Variants in ARL15 observed in about 807,000 individuals in gnomAD.
ARL15 encodes the protein ADP-ribosylation factor-like protein 15.
In ARL15, 19 loss-of-function variants were observed where a neutral mutation model predicts 25.2. The observed-to-expected ratio is 0.75, with a 90% CI of 0.53 to 1.10. The LOEUF is 1.10. Ranked by LOEUF, ARL15 falls within the 50% of genes least tolerant of loss-of-function variation. The pLI, the probability that ARL15 is intolerant of heterozygous loss-of-function variation, is 0.00. For missense variants in ARL15, 220 were observed against 246.0 expected (o/e 0.89, Z 0.71); for synonymous variants, 94 against 86.8 (o/e 1.08, Z -0.46).
rs61458651 is a variant in ARL15, at chr5:54,140,291, T to C, written c.253+14289A>G. Among the ~76,000 whole-genome samples the C allele has an allele frequency of 5.5e-3, 835 of 151,552 alleles. 4 individuals are homozygous for C. Among genetic ancestry groups the C allele is most frequent in the African/African-American group, 0.013 (557 of 41,358 alleles). ...AAAAAACAAGGCAGCATGTGCTCTG[T>C]CCCTAGTTCCTGAAGTATGAATTGT... On this transcript the variant is annotated intron_variant, in intron 3 of 4. Transcript: ENST00000504924.
intron 1 of ARL15, among the ~76,000 whole-genome samples, chr5:54,298,507 C>T (rs546589307): frequency 1.7e-4 from 26 of 152,288 alleles, no homozygotes; most frequent in African/African-American, 5.3e-4. Context: ...ACCAGCACTG[C>T]GCCATCTCTA....
intron 4 of ARL15, among the ~76,000 whole-genome samples, chr5:53,966,282 C>A (rs1386833116): frequency 6.6e-6 from 1 of 152,164 alleles, no homozygotes; most frequent in East Asian, 1.9e-4. Context: ...GATGGCTCAA[C>A]ATGTGGAGGT....
intron 1 of ARL15, among the ~76,000 whole-genome samples, chr5:54,258,998 C>T (rs2112617479): frequency 6.6e-6 from 1 of 152,352 alleles, no homozygotes; most frequent in Non-Finnish European, 1.5e-5. Flanking sequence ...TAGACAGCTA[C>T]TTCAACCCTT....
intron 4 of ARL15, among the ~76,000 whole-genome samples, chr5:54,018,705 G>A (rs950993255): frequency 3.9e-5 from 6 of 152,104 alleles, no homozygotes; most frequent in Non-Finnish European, 5.9e-5. Context: ...AACAAAAGGA[G>A]GCAAGCTCTA....
intron 3 of ARL15, among the ~76,000 whole-genome samples, chr5:54,153,671 G>A (rs1754136075): frequency 6.6e-6 from 1 of 152,062 alleles, no homozygotes; most frequent in Non-Finnish European, 1.5e-5. Flanking sequence ...CCTACACATA[G>A]CGAACTGAAA....
intron 1 of ARL15, among the ~76,000 whole-genome samples, chr5:54,244,683 A>ATC (rs1757041104): frequency 6.6e-6 from 1 of 152,156 alleles, no homozygotes; most frequent in African/African-American, 2.4e-5. Flanking sequence ...GGCTCTGGAA[A>ATC]TTGAGTCCAA....
chr5:54,221,704 C>G (rs1237000603), intron 1 of ARL15, among the ~76,000 whole-genome samples: 2 of 152,052 alleles, frequency 1.3e-5, no homozygotes, highest in African/African-American at 4.8e-5. Flanking sequence ...ACACAAATAA[C>G]TAGATATAAA....
chr5:54,242,006 G>T (rs3797236), intron 1 of ARL15, among the ~76,000 whole-genome samples: 16,939 of 152,112 alleles, frequency 0.11, 1,238 homozygotes, highest in East Asian at 0.41. Flanking sequence ...CAGAAATCGG[G>T]CTGAATGACC....
chr5:54,003,991 T>C (rs948169479), intron 4 of ARL15, among the ~76,000 whole-genome samples: 1 of 152,220 alleles, frequency 6.6e-6, no homozygotes, highest in African/African-American at 2.4e-5. Flanking sequence ...CTCTCCATCT[T>C]TTCTGATAGT....
At chr5:54,275,775 C>T (rs1371377225) in intron 1 of ARL15, among the ~76,000 whole-genome samples, 3 of 151,760 alleles carry the variant, frequency 2.0e-5, no homozygotes, top group Admixed American at 2.0e-4. Context: ...AGCTCTGCCT[C>T]CCCGGTTCAC....
At chr5:54,128,862 C>T (rs1753347485) in intron 3 of ARL15, among the ~76,000 whole-genome samples, 1 of 152,042 alleles carries the variant, frequency 6.6e-6, no homozygotes, top group South Asian at 2.1e-4. Context: ...AGTGCCACCA[C>T]GCCCGGCTAA....
chr5:53,952,852 T>C (rs1326762383), intron 4 of ARL15, among the ~76,000 whole-genome samples: 2 of 152,210 alleles, frequency 1.3e-5, no homozygotes, highest in Non-Finnish European at 2.9e-5. Context: ...TGTTTAAGTA[T>C]GTGAAAAGAG....
intron 4 of ARL15, among the ~76,000 whole-genome samples, chr5:53,984,247 C>T (rs900820601): frequency 6.6e-6 from 1 of 152,138 alleles, no homozygotes; most frequent in African/African-American, 2.4e-5. Context: ...TGCTGCATTC[C>T]TCTGAACTCT....
At chr5:54,187,493 T>G (rs1755274558) in intron 1 of ARL15, among the ~76,000 whole-genome samples, 1 of 152,218 alleles carries the variant, frequency 6.6e-6, no homozygotes, top group African/African-American at 2.4e-5. Flanking sequence ...TTTATTCATC[T>G]TCCAATTCCA....
intron 1 of ARL15, among the ~76,000 whole-genome samples, chr5:54,274,212 G>A (rs1029426223): frequency 2.0e-5 from 3 of 152,058 alleles, no homozygotes; most frequent in African/African-American, 4.8e-5. Flanking sequence ...CAAGAGAGTC[G>A]GCTGACGCTG....
At chr5:54,032,921 T>G (rs1300747522) in intron 4 of ARL15, among the ~76,000 whole-genome samples, 1 of 152,136 alleles carries the variant, frequency 6.6e-6, no homozygotes, top group Non-Finnish European at 1.5e-5. Flanking sequence ...TGGTTAATGT[T>G]TTACTTGATC....
chr5:54,166,343 C>T (rs1161896908), intron 2 of ARL15, among the ~76,000 whole-genome samples: 1 of 151,998 alleles, frequency 6.6e-6, no homozygotes, highest in Admixed American at 6.6e-5. Context: ...TACAGGCAAG[C>T]ACCAACACAT....
chr5:53,973,357 T>C (rs1189201004), intron 4 of ARL15, among the ~76,000 whole-genome samples: 1 of 152,100 alleles, frequency 6.6e-6, no homozygotes, highest in Non-Finnish European at 1.5e-5. Flanking sequence ...GTGGATCACC[T>C]GAGGTCAGAA....
At chr5:54,162,762 C>T (rs1364600804) in intron 2 of ARL15, among the ~76,000 whole-genome samples, 2 of 152,208 alleles carry the variant, frequency 1.3e-5, no homozygotes, top group African/African-American at 4.8e-5. Flanking sequence ...AAACTATCAG[C>T]TCTAATTCAT....
Sources: allele counts gnomAD v4.1 joint callset (sites outside exome capture counted in the v4.1 genomes callset), GRCh38; gene constraint gnomAD v4.1.1; transcripts MANE v1.5; gene names NCBI Gene and HGNC (gene_info 2026-07-23, HGNC 2026-07-21).